IFT88: variants seen among roughly 807,000 people sequenced by gnomAD.
The protein encoded by IFT88 is intraflagellar transport protein 88 homolog.
Under a neutral mutation model 119.5 loss-of-function variants are expected in IFT88, and 74 were observed. The observed-to-expected ratio is 0.62, with a 90% CI of 0.51 to 0.75. The LOEUF is 0.75. Ranked by LOEUF, IFT88 falls within the 30% of genes least tolerant of loss-of-function variation. The pLI is 0.00. For synonymous variants in IFT88, 279 were observed against 316.7 expected (o/e 0.88, Z 1.26); for missense variants, 961 against 977.7 (o/e 0.98, Z 0.23).
intron 9 of IFT88, among the ~76,000 whole-genome samples, chr13:20,597,400 A>G (rs1202860887): frequency 3.9e-5 from 6 of 152,164 alleles, no homozygotes; most frequent in Non-Finnish European, 8.8e-5. Context: ...GAGTGAGCTC[A>G]GAAGTTTGCG....
chr13:20,691,035 C>CA lies in IFT88; in HGVS notation c.2354-17dup. On this transcript the variant is annotated intron_variant, in intron 25 of 25. Coordinates refer to ENST00000351808, the MANE Select transcript of IFT88 (RefSeq NM_006531.5). ...GTTTGTTTACATAACTCTAACGTGA[C>CA]AATCTCTTCGAAACCTAGATGCCTC... The CA allele has an allele frequency of 6.2e-7, 1 of 1,609,978 alleles. No individual in the cohort carries two copies. Among genetic ancestry groups the CA allele is most frequent in the Non-Finnish European group, 8.5e-7 (1 of 1,178,676 alleles).
chr13:20,650,697 CTTATATG>C (rs1341914569), intron 20 of IFT88, among the ~76,000 whole-genome samples: 1 of 152,036 alleles, frequency 6.6e-6, no homozygotes, highest in East Asian at 1.9e-4. Flanking sequence ...ATGACATGAT[CTTATATG>C]TAGAAATCCC....
chr13:20,626,637 C>A (rs925539865), intron 15 of IFT88, among the ~76,000 whole-genome samples: 3 of 152,136 alleles, frequency 2.0e-5, no homozygotes, highest in Admixed American at 1.3e-4. Context: ...GGTTTTAGAA[C>A]CCCGCAGATC....
Position 20,579,331 on chromosome 13 carries a change from T to G in IFT88, c.91-3626T>G, listed in dbSNP as rs145816576. On this transcript the variant is annotated intron_variant, in intron 2 of 25. Transcript: ENST00000351808. ...AGAAATTTGCTTGGTGCTCTATTCTTCTGCTGCTGCTGAGCTGGCACTGAA... is the reference window on the plus strand; with the variant it reads ...AGAAATTTGCTTGGTGCTCTATTCTGCTGCTGCTGCTGAGCTGGCACTGAA... 6.2e-3 allele frequency among the ~76,000 whole-genome samples: 941 copies of G among 152,168 alleles called. 14 individuals carry two copies. The highest frequency in any genetic ancestry group is 0.022 in the African/African-American group (908 of 41,504).
At chr13:20,620,386 T>C (rs1258558847) in intron 14 of IFT88, among the ~76,000 whole-genome samples, 1 of 152,216 alleles carries the variant, frequency 6.6e-6, no homozygotes, top group Non-Finnish European at 1.5e-5. Flanking sequence ...TATCTACTCT[T>C]GTCGTCAAAC....
At chr13:20,603,777 G>A (rs1248123612) in intron 12 of IFT88, among the ~76,000 whole-genome samples, 1 of 151,966 alleles carries the variant, frequency 6.6e-6, no homozygotes, top group Non-Finnish European at 1.5e-5. Context: ...CACACCTGTA[G>A]TCCCAGCTAC....
chr13:20,639,828 G>C (rs943980969), intron 17 of IFT88, among the ~76,000 whole-genome samples: 27 of 126,014 alleles, frequency 2.1e-4, no homozygotes, highest in African/African-American at 7.6e-4. Context: ...TTGCTCTGTC[G>C]TCTAGGCTGG....
At chr13:20,688,876 G>A (rs2058215153) in intron 24 of IFT88, among the ~76,000 whole-genome samples, 2 of 152,106 alleles carry the variant, frequency 1.3e-5, no homozygotes, top group Non-Finnish European at 2.9e-5. Flanking sequence ...ATAGGTGCAT[G>A]CCACTCTGCC....
chr13:20,625,984 A>T, intron 15 of IFT88, 135 bp downstream of exon 15: 2 of 283,616 alleles, frequency 7.1e-6, no homozygotes, highest in Non-Finnish European at 1.2e-5. Context: ...TTTCTATTTT[A>T]TGTTAATTTT....
At chr13:20,591,585 T>C (rs1456893697) in intron 5 of IFT88, 33 bp from the exon 6 acceptor site, 3 of 1,525,244 alleles carry the variant, frequency 2.0e-6, no homozygotes, top group Admixed American at 1.7e-5. Context: ...ATAGATCTTA[T>C]TTAAGAATAA....
At chr13:20,633,474 G>A (rs931405674) in intron 16 of IFT88, among the ~76,000 whole-genome samples, 6 of 152,138 alleles carry the variant, frequency 3.9e-5, no homozygotes, top group African/African-American at 1.4e-4. Flanking sequence ...GAGGCTGGTG[G>A]CCAGTAGCAC....
chr13:20,637,195 A>C (rs1293503665), intron 16 of IFT88, among the ~76,000 whole-genome samples: 1 of 152,178 alleles, frequency 6.6e-6, no homozygotes, highest in Non-Finnish European at 1.5e-5. Flanking sequence ...GGGTGGAAGT[A>C]GATATTGGCA....
At chr13:20,654,165 AT>A (rs1555299006) in intron 21 of IFT88, among the ~76,000 whole-genome samples, 1 of 152,218 alleles carries the variant, frequency 6.6e-6, no homozygotes. Context: ...CAGATTTGTT[AT>A]TTCTCAAAGT....
intron 17 of IFT88, 54 bp from the exon 18 acceptor site, chr13:20,641,236 A>T (rs2049904189): frequency 2.2e-6 from 2 of 912,356 alleles, no homozygotes; most frequent in Non-Finnish European, 3.4e-6. Flanking sequence ...TGTTAAATAA[A>T]TTAATACCAA....
intron 20 of IFT88, among the ~76,000 whole-genome samples, chr13:20,651,965 A>G (rs990405588): frequency 4.6e-5 from 7 of 152,228 alleles, no homozygotes; most frequent in African/African-American, 1.7e-4. Context: ...AAGTGAAAGA[A>G]GCCAGACACA....
chr13:20,612,186 A>G (rs1252369421), intron 13 of IFT88: 7 of 152,226 alleles, frequency 4.6e-5, no homozygotes, highest in Non-Finnish European at 1.0e-4. Flanking sequence ...TGTGGCTGAG[A>G]TGAAGTGTAG....
Position 20,598,762 on chromosome 13 carries a change from A to C in IFT88, c.697+9A>C. 2 of 1,501,162 alleles carry C rather than the reference A, an allele frequency of 1.3e-6. No individual in the cohort carries two copies. Among genetic ancestry groups the C allele is most frequent in the Non-Finnish European group, 1.9e-6 (2 of 1,080,838 alleles). The allele number at this position is 1,501,162 out of a possible 1,614,324, so 93.0% of individuals were successfully genotyped here. On this transcript the variant is annotated intron_variant, in intron 10 of 25. Transcript: ENST00000351808. The stretch of plus-strand genomic sequence containing the variant: ...GATGTTTAGCAATGCAGGTAAGTGT[A>C]CATAATCAGTTTTTCCAATAGATGT...
At chr13:20,662,179 A>C (rs2053920935) in intron 22 of IFT88, among the ~76,000 whole-genome samples, 1 of 152,190 alleles carries the variant, frequency 6.6e-6, no homozygotes, top group Admixed American at 6.5e-5. Context: ...ATACCCAGGC[A>C]AACAGGTTCT....
At chr13:20,676,669 A>G (rs987886638) in intron 24 of IFT88, among the ~76,000 whole-genome samples, 2 of 152,262 alleles carry the variant, frequency 1.3e-5, no homozygotes, top group Non-Finnish European at 2.9e-5. Flanking sequence ...ATAAATAAAA[A>G]TAAATGTTGG....
Sources: allele counts gnomAD v4.1 joint callset (sites outside exome capture counted in the v4.1 genomes callset), GRCh38; gene constraint gnomAD v4.1.1; transcripts MANE v1.5; gene names NCBI Gene and HGNC (gene_info 2026-07-23, HGNC 2026-07-21).